Variants in METTL25 observed in about 807,000 individuals in gnomAD.
METTL25 encodes methyltransferase like 25.
A neutral mutation model predicts 71.6 loss-of-function variants in METTL25; 64 were observed. The observed-to-expected ratio is 0.89, with a 90% CI of 0.73 to 1.10. The LOEUF (loss-of-function observed/expected upper bound fraction) is 1.10, where lower values mean the gene tolerates loss of function less well. Ranked by LOEUF, METTL25 falls within the 50% of genes least tolerant of loss-of-function variation. The pLI is 0.00. For missense variants in METTL25, 807 were observed against 707.0 expected, an observed-to-expected ratio of 1.14 and a Z score of -1.60; for synonymous variants, 287 against 250.3, an observed-to-expected ratio of 1.15 and a Z score of -1.38.
chr12:82,399,147 C>A lies in METTL25; in HGVS notation c.884C>A (p.Thr295Asn). Residue 295 changes from threonine (T) to asparagine (N), a missense_variant, in exon 4 of 12, where the codon ACC (threonine) becomes AAC (asparagine). Physicochemically the swap from Thr to Asn is moderately conservative, Grantham distance 65. Transcript: ENST00000248306. ...TCTAATATCAGAAACCAAATGGAAA[C>A]CCTTCATTCTCAGCCACATCAAGAA... ...VISNIRNQME[T>N]LHSQPHQEEN... 1 of 1,613,740 alleles carries A rather than the reference C, an allele frequency of 6.2e-7. No homozygotes were observed. The highest frequency in any genetic ancestry group is 8.5e-7 in the Non-Finnish European group (1 of 1,179,850).
At chr12:82,372,688 A>G (rs1190022777) in intron 1 of METTL25, among the ~76,000 whole-genome samples, 1 of 152,112 alleles carries the variant, frequency 6.6e-6, no homozygotes, top group Non-Finnish European at 1.5e-5. Flanking sequence ...TTGCAGGTCA[A>G]ATTGGTCCCA....
At position 82,399,411 on chromosome 12, in the gene METTL25, A is replaced by G. The variant is rs1271284846; in HGVS notation, c.1131+17A>G. The G allele has an allele frequency of 2.0e-6, 3 of 1,523,466 alleles. No individual in the cohort carries two copies. The highest frequency in any genetic ancestry group is 2.6e-6 in the Non-Finnish European group (3 of 1,135,054). 94.4% of individuals were successfully genotyped at this position (1,523,466 alleles called of 1,614,324 possible). ...GATTTGGAGGTGACTTTACCTTTGA[A>G]TTATTTAATTTGATTTACAAAAACA... On this transcript the variant is annotated intron_variant, in intron 4 of 11. Coordinates refer to ENST00000248306, the MANE Select transcript of METTL25 (RefSeq NM_032230.3).
intron 1 of METTL25, among the ~76,000 whole-genome samples, chr12:82,373,161 C>G (rs1480495179): frequency 6.6e-6 from 1 of 152,088 alleles, no homozygotes; most frequent in Non-Finnish European, 1.5e-5. Flanking sequence ...GGGACCTTAC[C>G]ACTGTCCTAT....
chr12:82,371,569 C>T (rs1883235040), intron 1 of METTL25, among the ~76,000 whole-genome samples: 1 of 152,180 alleles, frequency 6.6e-6, no homozygotes, highest in African/African-American at 2.4e-5. Flanking sequence ...TTTGTCTAAT[C>T]TCGTTTTTCC....
chr12:82,470,621 G>T (rs1297525441), intron 9 of METTL25, among the ~76,000 whole-genome samples: 1 of 152,086 alleles, frequency 6.6e-6, no homozygotes, highest in Non-Finnish European at 1.5e-5. Flanking sequence ...AAGCCTTTCT[G>T]CCTTAGAAAA....
At chr12:82,371,936 T>G (rs1180543397) in intron 1 of METTL25, among the ~76,000 whole-genome samples, 1 of 152,204 alleles carries the variant, frequency 6.6e-6, no homozygotes, top group Non-Finnish European at 1.5e-5. Flanking sequence ...CCTCATGATC[T>G]GAGTCTATAT....
intron 8 of METTL25, among the ~76,000 whole-genome samples, chr12:82,444,595 C>T (rs541295375): frequency 2.6e-5 from 4 of 152,206 alleles, no homozygotes. Context: ...ATAATCATAA[C>T]ATTTGTTAAG....
intron 9 of METTL25, among the ~76,000 whole-genome samples, chr12:82,466,086 G>A (rs2137286502): frequency 6.8e-6 from 1 of 146,390 alleles, no homozygotes; most frequent in Non-Finnish European, 1.5e-5. Flanking sequence ...ATTCTCAGTT[G>A]CATTTATTTC....
intron 5 of METTL25, among the ~76,000 whole-genome samples, chr12:82,423,864 A>G (rs572855196): frequency 9.1e-4 from 139 of 152,308 alleles, no homozygotes; most frequent in African/African-American, 3.2e-3. Context: ...TAGAATAGTG[A>G]TCATTAAAAA....
intron 1 of METTL25, among the ~76,000 whole-genome samples, chr12:82,366,160 A>C (rs1350382497): frequency 2.0e-5 from 3 of 152,246 alleles, no homozygotes; most frequent in Non-Finnish European, 4.4e-5. Context: ...TTAGGAGACT[A>C]TCCTAACAAA....
chr12:82,460,087 A>G (rs1238646068), intron 9 of METTL25, among the ~76,000 whole-genome samples: 2 of 152,176 alleles, frequency 1.3e-5, no homozygotes, highest in African/African-American at 2.4e-5. Context: ...GGTGAGAACT[A>G]CCTCAGTTGT....
At chr12:82,445,659 A>G (rs971269489) in intron 8 of METTL25, among the ~76,000 whole-genome samples, 6 of 152,276 alleles carry the variant, frequency 3.9e-5, no homozygotes, top group Non-Finnish European at 5.9e-5. Flanking sequence ...GCCATTAGTG[A>G]TCCTGGAAGT....
intron 2 of METTL25, among the ~76,000 whole-genome samples, chr12:82,387,870 C>T (rs934602616): frequency 1.3e-4 from 20 of 152,080 alleles, no homozygotes; most frequent in African/African-American, 4.1e-4. Context: ...GAGTTTAACT[C>T]TGATACAGTA....
chr12:82,360,872 G>C (rs1881762427), intron 1 of METTL25, among the ~76,000 whole-genome samples: 1 of 152,184 alleles, frequency 6.6e-6, no homozygotes, highest in African/African-American at 2.4e-5. Flanking sequence ...CTGATGTTTG[G>C]ATGTGTTCGG....
intron 5 of METTL25, among the ~76,000 whole-genome samples, chr12:82,419,201 TA>T (rs757927671): frequency 2.6e-5 from 4 of 151,006 alleles, no homozygotes; most frequent in African/African-American, 4.9e-5. Context: ...ATATTCTGGA[TA>T]AAAAAAAATG....
chr12:82,359,232 G>C lies in METTL25; in HGVS notation c.259+408G>C, dbSNP rs575033628. Among the ~76,000 whole-genome samples, 26 of 152,326 alleles carry C rather than the reference G, an allele frequency of 1.7e-4. 1 individual carries two copies. Among genetic ancestry groups the C allele is most frequent in the African/African-American group, 5.5e-4 (23 of 41,578 alleles). On this transcript the variant is annotated intron_variant, in intron 1 of 11. Coordinates refer to ENST00000248306, the MANE Select transcript of METTL25 (RefSeq NM_032230.3). ...GGTAATGAAGTAGAAAATAAAAACA[G>C]TGTAATGTGGTAGGGATTGTGTAAG...
chr12:82,412,546 CT>C (rs957222584), intron 5 of METTL25, among the ~76,000 whole-genome samples: 4 of 152,054 alleles, frequency 2.6e-5, no homozygotes, highest in African/African-American at 9.7e-5. Flanking sequence ...TAAGAGCCAG[CT>C]TTTCCATTCC....
At chr12:82,455,210 G>T (rs1743325367) in intron 8 of METTL25, among the ~76,000 whole-genome samples, 1 of 151,420 alleles carries the variant, frequency 6.6e-6, no homozygotes, top group African/African-American at 2.4e-5. Context: ...GCAGCAGGAA[G>T]TTAATATTAA....
intron 1 of METTL25, 55 bp from the exon 2 acceptor site, chr12:82,386,748 A>G: frequency 7.4e-7 from 1 of 1,348,952 alleles, no homozygotes; most frequent in South Asian, 1.2e-5. Context: ...TATTAATATC[A>G]CACTAATTAA....
Sources: allele counts gnomAD v4.1 joint callset (sites outside exome capture counted in the v4.1 genomes callset), GRCh38; gene constraint gnomAD v4.1.1; transcripts MANE v1.5; gene names NCBI Gene and HGNC (gene_info 2026-07-23, HGNC 2026-07-21).